The following TOP6BL variants were observed in gnomAD, a reference collection of about 807,000 sequenced individuals.
TOP6BL encodes TOP6B like initiator of meiotic double strand breaks, also known as type 2 DNA topoisomerase 6 subunit B-like.
the TOP6BL span, chr11:66,761,964 G>C: frequency 1.3e-5 from 20 of 1,562,840 alleles, no homozygotes; most frequent in Admixed American, 1.8e-4. Flanking sequence ...CTGCCCTTGC[G>C]AGGGTTCCTC....
At chr11:66,744,807 G>C in the TOP6BL span, 10 of 1,270,356 alleles carry the variant, frequency 7.9e-6, no homozygotes, top group South Asian at 2.6e-5. Context: ...TTCCAAGCCC[G>C]GGCTGAGGAG....
the TOP6BL span, among the ~76,000 whole-genome samples, chr11:66,801,709 G>A: frequency 6.6e-6 from 1 of 152,132 alleles, no homozygotes; most frequent in Non-Finnish European, 1.5e-5. Flanking sequence ...GGTAGCACAT[G>A]CCTGTAATCC....
chr11:66,778,106 T>C, the TOP6BL span, among the ~76,000 whole-genome samples: 1 of 151,612 alleles, frequency 6.6e-6, no homozygotes, highest in Non-Finnish European at 1.5e-5. Context: ...TTTTTTTTTT[T>C]TTAAGAGACA....
the TOP6BL span, among the ~76,000 whole-genome samples, chr11:66,784,750 G>A: frequency 3.3e-5 from 5 of 152,144 alleles, no homozygotes; most frequent in South Asian, 1.0e-3. Flanking sequence ...TCCCCATTTG[G>A]TTAAGCCATT....
chr11:66,751,171 A>G, the TOP6BL span, among the ~76,000 whole-genome samples: 1 of 151,958 alleles, frequency 6.6e-6, no homozygotes, highest in East Asian at 1.9e-4. Flanking sequence ...ATGTGCTACC[A>G]TGCCTGACTA....
chr11:66,820,872 G>A, the TOP6BL span, among the ~76,000 whole-genome samples: 1 of 152,112 alleles, frequency 6.6e-6, no homozygotes, highest in East Asian at 1.9e-4. Context: ...AGCTTTCTTA[G>A]ATTTATGAGT....
the TOP6BL span, among the ~76,000 whole-genome samples, chr11:66,783,326 G>C: frequency 5.9e-5 from 9 of 152,154 alleles, no homozygotes; most frequent in African/African-American, 2.2e-4. Context: ...TCACCCCACT[G>C]CACATAGCCT....
At chr11:66,843,333 C>T in the TOP6BL span, 11 of 1,493,846 alleles carry the variant, frequency 7.4e-6, no homozygotes, top group South Asian at 1.2e-5. Context: ...AAGTCCTCTT[C>T]CGCGTCTGCT....
the TOP6BL span, among the ~76,000 whole-genome samples, chr11:66,768,668 G>GTTTTTTT: frequency 5.5e-4 from 63 of 115,346 alleles, no homozygotes; most frequent in Non-Finnish European, 5.9e-4. Flanking sequence ...TTTGTTTTTT[G>GTTTTTTT]TTTTTTTTTT....
At chr11:66,838,132 G>A in the TOP6BL span, among the ~76,000 whole-genome samples, 1 of 152,190 alleles carries the variant, frequency 6.6e-6, no homozygotes, top group African/African-American at 2.4e-5. Context: ...CCAAGAGACT[G>A]GAGCTCAGAG....
At chr11:66,835,309 GTTTCTTTC>G in the TOP6BL span, among the ~76,000 whole-genome samples, 1 of 151,722 alleles carries the variant, frequency 6.6e-6, no homozygotes, top group African/African-American at 2.4e-5. Context: ...AAAATATCCT[GTTTCTTTC>G]TTTATGTCTT....
At chr11:66,816,548 G>A in the TOP6BL span, among the ~76,000 whole-genome samples, 1 of 152,102 alleles carries the variant, frequency 6.6e-6, no homozygotes, top group Non-Finnish European at 1.5e-5. Flanking sequence ...CTGAGGTGGG[G>A]CTTAGGGTTC....
At chr11:66,762,800 A>G in the TOP6BL span, among the ~76,000 whole-genome samples, 6 of 152,192 alleles carry the variant, frequency 3.9e-5, no homozygotes, top group South Asian at 8.3e-4. Flanking sequence ...CATATCAAAG[A>G]AAACAAACTA....
At chr11:66,822,677 T>A in the TOP6BL span, 2 of 1,530,586 alleles carry the variant, frequency 1.3e-6, no homozygotes, top group South Asian at 2.4e-5. Context: ...CCCTTCAAGT[T>A]AGTAGGAGAT....
the TOP6BL span, chr11:66,828,523 C>T: frequency 1.7e-6 from 1 of 597,704 alleles, no homozygotes; most frequent in South Asian, 1.9e-5. Flanking sequence ...TTTTCTATCT[C>T]TCAGGAATGA....
At chr11:66,788,857 C>G in the TOP6BL span, among the ~76,000 whole-genome samples, 2 of 152,200 alleles carry the variant, frequency 1.3e-5, no homozygotes, top group African/African-American at 4.8e-5. Context: ...CTTAAGTGAT[C>G]TTCCTGCCTC....
At chr11:66,801,810 A>G in the TOP6BL span, among the ~76,000 whole-genome samples, 1 of 152,104 alleles carries the variant, frequency 6.6e-6, no homozygotes, top group East Asian at 1.9e-4. Flanking sequence ...CACTCCAGCG[A>G]CAGAGCAAGA....
the TOP6BL span, chr11:66,815,784 T>C: frequency 3.3e-6 from 1 of 306,932 alleles, no homozygotes; most frequent in Non-Finnish European, 6.0e-6. Context: ...TCAATGAATT[T>C]ATTGTGTAGA....
the TOP6BL span, among the ~76,000 whole-genome samples, chr11:66,746,890 CA>C: frequency 6.6e-6 from 1 of 151,660 alleles, no homozygotes; most frequent in Non-Finnish European, 1.5e-5. Context: ...TCTCTCCCCC[CA>C]AAAATAAATG....
Sources: allele counts gnomAD v4.1 joint callset (sites outside exome capture counted in the v4.1 genomes callset), GRCh38; gene constraint gnomAD v4.1.1; transcripts MANE v1.5; gene names NCBI Gene and HGNC (gene_info 2026-07-23, HGNC 2026-07-21).